PDE10A: variants seen among roughly 807,000 people sequenced by gnomAD.
The protein encoded by PDE10A is phosphodiesterase 10A, also known as cAMP and cAMP-inhibited cGMP 3',5'-cyclic phosphodiesterase 10A.
A neutral mutation model predicts 97.7 loss-of-function variants in PDE10A; 39 were observed. That is an observed-to-expected ratio of 0.40 (90% CI 0.31 to 0.52). The LOEUF is 0.52. Ranked by LOEUF, PDE10A falls within the 20% of genes least tolerant of loss-of-function variation. The pLI is 0.56. For synonymous variants in PDE10A, 371 were observed against 376.8 expected (o/e 0.98, Z 0.18); for missense variants, 731 against 1,047.8 (o/e 0.70, Z 4.17).
chr6:165,583,764 T>TG (rs1266322042), intron 1 of PDE10A, among the ~76,000 whole-genome samples: 1 of 152,166 alleles, frequency 6.6e-6, no homozygotes, highest in Non-Finnish European at 1.5e-5. Flanking sequence ...TAGTGTCTAA[T>TG]GTATGATACC....
In PDE10A at chr6:165,840,259, C is replaced by T. The variant is rs113069735; in HGVS notation, c.-615+147270G>A. 6.2e-3 allele frequency among the ~76,000 whole-genome samples: 928 copies of T among 149,316 alleles called. 2 individuals carry two copies. Among genetic ancestry groups the T allele is most frequent in the Non-Finnish European group, 9.3e-3 (626 of 67,262 alleles). On this transcript the variant is annotated intron_variant, in intron 1 of 19. Transcript: ENST00000366882. ...TTCATCCCCAGCTCCATCCTTATCT[C>T]CCTCACACAGGTACCTGCAATCAGT...
chr6:165,500,182 T>C (rs1049383743), intron 2 of PDE10A, among the ~76,000 whole-genome samples: 3 of 152,048 alleles, frequency 2.0e-5, no homozygotes, highest in Non-Finnish European at 4.4e-5. Flanking sequence ...CACACATACA[T>C]ACTAATAACA....
chr6:165,406,295 A>T (rs1787159960), intron 13 of PDE10A, among the ~76,000 whole-genome samples: 1 of 146,414 alleles, frequency 6.8e-6, no homozygotes, highest in East Asian at 1.9e-4. Context: ...CTAACAGGAG[A>T]TAGTTGAATT....
intron 1 of PDE10A, among the ~76,000 whole-genome samples, chr6:165,650,605 C>T (rs906192651): frequency 1.3e-5 from 2 of 152,106 alleles, no homozygotes; most frequent in South Asian, 2.1e-4. Context: ...TTTAACCAAG[C>T]GCCCACTCGT....
chr6:165,596,287 G>A (rs73022181), intron 1 of PDE10A, among the ~76,000 whole-genome samples: 19,947 of 152,112 alleles, frequency 0.13, 1,407 homozygotes, highest in African/African-American at 0.18. Context: ...TGTCCACCAC[G>A]GCCCCAGCCA....
chr6:165,517,928 C>T (rs1374973781), intron 2 of PDE10A, among the ~76,000 whole-genome samples: 3 of 152,136 alleles, frequency 2.0e-5, no homozygotes, highest in Non-Finnish European at 4.4e-5. Flanking sequence ...GTGTCCGGTG[C>T]TAATCCTTAC....
chr6:165,651,449 T>C (rs941011241), intron 1 of PDE10A, among the ~76,000 whole-genome samples: 11 of 152,196 alleles, frequency 7.2e-5, no homozygotes, highest in African/African-American at 2.7e-4. Flanking sequence ...GTGTTTTCTC[T>C]AGGGCCACAA....
At chr6:165,730,311 G>T (rs1792398453) in intron 1 of PDE10A, among the ~76,000 whole-genome samples, 1 of 152,148 alleles carries the variant, frequency 6.6e-6, no homozygotes, top group African/African-American at 2.4e-5. Flanking sequence ...ATTCTACCAG[G>T]CTGAATGTAA....
intron 1 of PDE10A, among the ~76,000 whole-genome samples, chr6:165,986,780 G>C (rs866385566): frequency 2.6e-5 from 4 of 151,698 alleles, no homozygotes; most frequent in African/African-American, 4.8e-5. Context: ...GCTTGGCTTG[G>C]GGGGAGGGGG....
At chr6:165,414,242 C>G (rs1788141419) in intron 12 of PDE10A, among the ~76,000 whole-genome samples, 1 of 152,172 alleles carries the variant, frequency 6.6e-6, no homozygotes, top group Admixed American at 6.5e-5. Context: ...GCCATCACCC[C>G]ACAAGGCTGA....
chr6:165,616,222 C>T (rs1300077060), intron 1 of PDE10A, among the ~76,000 whole-genome samples: 2 of 152,040 alleles, frequency 1.3e-5, no homozygotes, highest in African/African-American at 2.4e-5. Flanking sequence ...TATCTCCTTT[C>T]GTACCCAGAA....
chr6:165,458,695 A>T (rs221742), intron 3 of PDE10A, among the ~76,000 whole-genome samples: 35,971 of 151,942 alleles, frequency 0.24, 4,511 homozygotes, highest in South Asian at 0.37. Context: ...TCACACACAC[A>T]CACACGTTTT....
chr6:165,928,832 G>A (rs747499461), intron 1 of PDE10A, among the ~76,000 whole-genome samples: 3 of 152,150 alleles, frequency 2.0e-5, no homozygotes, highest in African/African-American at 4.8e-5. Flanking sequence ...GCTCAGCCCC[G>A]ACTCCACTGT....
chr6:165,962,081 A>C (rs1280365426), intron 1 of PDE10A, among the ~76,000 whole-genome samples: 1 of 152,228 alleles, frequency 6.6e-6, no homozygotes, highest in East Asian at 1.9e-4. Flanking sequence ...CAGACAGTAA[A>C]TTGCCCAAGG....
intron 1 of PDE10A, among the ~76,000 whole-genome samples, chr6:165,589,827 G>A (rs1226098425): frequency 6.6e-6 from 1 of 151,994 alleles, no homozygotes; most frequent in African/African-American, 2.4e-5. Context: ...TAGAAAGCAA[G>A]GGAACAGATT....
chr6:165,648,936 A>G (rs1583712207), intron 1 of PDE10A, among the ~76,000 whole-genome samples: 1 of 152,094 alleles, frequency 6.6e-6, no homozygotes, highest in African/African-American at 2.4e-5. Context: ...CCTTCTCCTC[A>G]CCCATCCCCA....
At chr6:165,613,790 C>T (rs1348887274) in intron 1 of PDE10A, among the ~76,000 whole-genome samples, 2 of 152,140 alleles carry the variant, frequency 1.3e-5, no homozygotes, top group Non-Finnish European at 2.9e-5. Flanking sequence ...ATACTCCAGC[C>T]CTTATTTCCC....
intron 2 of PDE10A, among the ~76,000 whole-genome samples, chr6:165,492,402 A>C (rs1187361466): frequency 6.6e-6 from 1 of 152,152 alleles, no homozygotes; most frequent in Non-Finnish European, 1.5e-5. Flanking sequence ...AAAACATAAC[A>C]ACCAAAAAAT....
chr6:165,642,109 C>T lies in PDE10A; in HGVS notation c.865+19838G>A, dbSNP rs375705306. Among the ~76,000 whole-genome samples, 46 of 152,290 alleles carry T rather than the reference C, an allele frequency of 3.0e-4. No individual in the cohort carries two copies. The East Asian group carries it at 8.1e-3, about 27-fold the overall frequency. On this transcript the variant is annotated intron_variant, in intron 1 of 21. Transcript: ENST00000539869. ...GGAATACCATGATTCTGGAAAGCCA[C>T]GCCTGCAGTTAAAGATGTCTCCTAC...
Sources: allele counts gnomAD v4.1 joint callset (sites outside exome capture counted in the v4.1 genomes callset), GRCh38; gene constraint gnomAD v4.1.1; transcripts MANE v1.5; gene names NCBI Gene and HGNC (gene_info 2026-07-23, HGNC 2026-07-21).